The following ZMAT3 variants were observed in gnomAD, a reference collection of about 807,000 sequenced individuals.
ZMAT3 encodes zinc finger matrin-type protein 3.
A neutral mutation model predicts 32.3 loss-of-function variants in ZMAT3; 17 were observed. The observed-to-expected ratio is 0.53, with a 90% CI of 0.36 to 0.79. The LOEUF (loss-of-function observed/expected upper bound fraction) is 0.79. ZMAT3 is among the 30% of genes least tolerant of loss of function. The pLI, the probability that ZMAT3 is intolerant of heterozygous loss-of-function variation, is 0.00. For synonymous variants in ZMAT3, 120 were observed against 133.1 expected, an observed-to-expected ratio of 0.90 and a Z score of 0.68; for missense variants, 329 against 359.7, an observed-to-expected ratio of 0.91 and a Z score of 0.69.
chr3:179,023,952 C>T lies in ZMAT3; in HGVS notation c.*1065G>A, dbSNP rs998080185. The T allele has an allele frequency of 1.3e-5, 2 of 151,076 alleles. No individual in the cohort carries two copies. 9.4% of individuals were successfully genotyped at this position (151,076 alleles called of 1,614,324 possible). On this transcript the variant is annotated 3_prime_UTR_variant, in exon 6 of 6. Coordinates refer to ENST00000311417, the MANE Select transcript of ZMAT3 (RefSeq NM_022470.4). ...AGCCAGGATGATCTCGACCTCCTGA[C>T]CTCGTGATCCGCCTGCTTCGGCCTC...
chr3:179,071,773 A>C lies in ZMAT3; in HGVS notation c.-236T>G, dbSNP rs1036874173. The C allele has an allele frequency of 3.9e-5, 6 of 152,572 alleles. No homozygotes were observed. Among genetic ancestry groups the C allele is most frequent in the African/African-American group, 1.4e-4 (6 of 41,450 alleles). 9.5% of individuals were successfully genotyped at this position (152,572 alleles called of 1,614,324 possible). A position where few individuals can be genotyped will look rare whatever the true frequency, so the allele number is the denominator to read the frequency against. ...AAGGCTGACTGTCAAAAGTCAGTCCAACCCGACCCACAGGGAAACAGCTGC... is the reference window on the plus strand; with the variant it reads ...AAGGCTGACTGTCAAAAGTCAGTCCCACCCGACCCACAGGGAAACAGCTGC... On this transcript the variant is annotated 5_prime_UTR_variant, in exon 1 of 6. Coordinates refer to ENST00000311417, the MANE Select transcript of ZMAT3 (RefSeq NM_022470.4).
rs925708891 is a variant in ZMAT3, at chr3:179,020,352, A to G, written c.*4665T>C. 6.6e-6 allele frequency: 1 copy of G among 152,232 alleles called. No individual in the cohort carries two copies. Among genetic ancestry groups the G allele is most frequent in the Admixed American group, 6.5e-5 (1 of 15,284 alleles). The allele number at this position is 152,232 out of a possible 1,614,324, so 9.4% of individuals were successfully genotyped here. On this transcript the variant is annotated 3_prime_UTR_variant, in exon 6 of 6. Coordinates refer to ENST00000311417, the MANE Select transcript of ZMAT3 (RefSeq NM_022470.4). The stretch of plus-strand genomic sequence containing the variant: ...AAACAGCTATCAGTAGAAGCGTTTT[A>G]TGAGAAGCTATTTACACAGCTATTT...
rs1718325812 is a variant in ZMAT3, at chr3:179,017,329, G to A, written c.*7688C>T. The A allele has an allele frequency of 6.6e-6, 1 of 152,106 alleles. No individual in the cohort carries two copies. The highest frequency in any genetic ancestry group is 2.4e-5 in the African/African-American group (1 of 41,426). The allele number at this position is 152,106 out of a possible 1,614,324, so 9.4% of individuals were successfully genotyped here. A position where few individuals can be genotyped will look rare whatever the true frequency, so the allele number is the denominator to read the frequency against. On this transcript the variant is annotated 3_prime_UTR_variant, in exon 6 of 6. Transcript: ENST00000311417. ...ATCAGTACATAAGTGAGGATACACA[G>A]CCAAAATGAGCCATCAACAAAAGCA... is the stretch of plus-strand genomic sequence containing the variant.
intron 2 of ZMAT3, among the ~76,000 whole-genome samples, chr3:179,041,369 C>G (rs1335080768): frequency 6.6e-6 from 1 of 152,126 alleles, no homozygotes; most frequent in Non-Finnish European, 1.5e-5. Context: ...GAACAGAAAT[C>G]ACAACAAACT....
At chr3:179,055,481 C>A (rs201305876) in intron 2 of ZMAT3, among the ~76,000 whole-genome samples, 2 of 150,616 alleles carry the variant, frequency 1.3e-5, no homozygotes, top group African/African-American at 2.4e-5. Flanking sequence ...AGCGTCCCCT[C>A]CCCGACTCCT....
intron 2 of ZMAT3, among the ~76,000 whole-genome samples, chr3:179,037,482 G>A (rs574534069): frequency 7.2e-5 from 11 of 152,250 alleles, no homozygotes; most frequent in South Asian, 4.2e-4. Flanking sequence ...CTCAGCGGGC[G>A]CAGGATCCAG....
At chr3:179,029,631 A>C (rs1333105888) in intron 3 of ZMAT3, among the ~76,000 whole-genome samples, 1 of 152,098 alleles carries the variant, frequency 6.6e-6, no homozygotes, top group Non-Finnish European at 1.5e-5. Context: ...ACCCAGCTTA[A>C]AAAATTAAAT....
At chr3:179,042,618 C>T (rs199940867) in intron 2 of ZMAT3, among the ~76,000 whole-genome samples, 10 of 152,112 alleles carry the variant, frequency 6.6e-5, no homozygotes, top group Non-Finnish European at 1.5e-4. Context: ...GCCAATATCA[C>T]ACTGAATGGG....
At position 179,025,060 on chromosome 3, in the gene ZMAT3, T is replaced by C. The variant is rs1450131782; in HGVS notation, c.827A>G (p.Glu276Gly). ...CTCCATCTCATTCCTGTACCGCTGT[T>C]CAGACACCTTGCTCTTATGTTGCTT... ...ESKQHKSKVSEQRYRNEMENL... is the reference protein window; with the variant it reads ...ESKQHKSKVSGQRYRNEMENL... The change falls in exon 6 of 6, where the codon GAA (glutamate) becomes GGA (glycine). Residue 276 changes from glutamate to glycine, a missense_variant. By Grantham distance (98) the Glu-to-Gly change is moderately conservative (BLOSUM62 -2). Coordinates refer to ENST00000311417, the MANE Select transcript of ZMAT3 (RefSeq NM_022470.4). 1 of 1,614,250 alleles carries C rather than the reference T, an allele frequency of 6.2e-7. No individual in the cohort carries two copies. The highest frequency in any genetic ancestry group is 1.7e-5 in the Admixed American group (1 of 60,024).
upstream of ZMAT3, chr3:179,072,107 G>A (rs1452049849): frequency 1.3e-5 from 2 of 152,644 alleles, no homozygotes; most frequent in Non-Finnish European, 2.9e-5. Context: ...CTTGGTAGAA[G>A]CCTGGGCAGA....
At chr3:179,036,617 A>T (rs1287024641) in intron 2 of ZMAT3, among the ~76,000 whole-genome samples, 1 of 152,168 alleles carries the variant, frequency 6.6e-6, no homozygotes, top group Non-Finnish European at 1.5e-5. Flanking sequence ...AAAATTTTTA[A>T]AGGTGTGGGG....
chr3:179,028,403 CAGTA>C (rs1292534773), intron 3 of ZMAT3, among the ~76,000 whole-genome samples: 5 of 152,110 alleles, frequency 3.3e-5, no homozygotes, highest in African/African-American at 9.7e-5. Context: ...AGTAGGCATT[CAGTA>C]AGTATTAGGT....
chr3:179,052,949 G>C (rs1428530705), intron 2 of ZMAT3, among the ~76,000 whole-genome samples: 2 of 151,952 alleles, frequency 1.3e-5, no homozygotes, highest in Non-Finnish European at 1.5e-5. Flanking sequence ...CCAACATGGT[G>C]AAACCCCGTC....
chr3:179,030,498 G>C (rs997102887), intron 3 of ZMAT3, among the ~76,000 whole-genome samples: 10 of 151,976 alleles, frequency 6.6e-5, no homozygotes, highest in Non-Finnish European at 1.5e-4. Context: ...GGGACTACAG[G>C]TGCCCGCCAC....
intron 2 of ZMAT3, among the ~76,000 whole-genome samples, chr3:179,039,003 G>C (rs184985282): frequency 1.3e-5 from 2 of 152,358 alleles, no homozygotes; most frequent in Admixed American, 6.5e-5. Flanking sequence ...CAGCCTGGCT[G>C]GGGGAGGGGC....
At chr3:179,032,665 G>C (rs1182069883) in intron 2 of ZMAT3, among the ~76,000 whole-genome samples, 1 of 151,842 alleles carries the variant, frequency 6.6e-6, no homozygotes, top group Non-Finnish European at 1.5e-5. Context: ...CCCCGTCTGG[G>C]AACTGAGGAG....
rs2108525963 is a variant in ZMAT3, at chr3:179,019,908, C to A, written c.*5109G>T. 1 of 152,240 alleles carries A rather than the reference C, an allele frequency of 6.6e-6. No individual in the cohort carries two copies. Among genetic ancestry groups the A allele is most frequent in the Non-Finnish European group, 1.5e-5 (1 of 68,010 alleles). The allele number at this position is 152,240 out of a possible 1,614,324, so 9.4% of individuals were successfully genotyped here. On this transcript the variant is annotated 3_prime_UTR_variant, in exon 6 of 6. Transcript: ENST00000311417. ...AACATCAGTGTCAAGCTCTTCCAAT[C>A]AACCACACTGCCATTCACTAAGTAC...
At chr3:179,059,456 CA>C (rs1721037748) in intron 2 of ZMAT3, among the ~76,000 whole-genome samples, 1 of 152,176 alleles carries the variant, frequency 6.6e-6, no homozygotes, top group Non-Finnish European at 1.5e-5. Flanking sequence ...CAGGCCTTTT[CA>C]AAACTATCAA....
chr3:179,060,091 C>A (rs989301128), intron 2 of ZMAT3, among the ~76,000 whole-genome samples: 2 of 152,038 alleles, frequency 1.3e-5, no homozygotes, highest in South Asian at 4.2e-4. Context: ...CTCTTTGGGT[C>A]CCCTCCCTTT....
Sources: gnomAD v4.1 joint callset for allele counts (sites outside exome capture counted in the v4.1 genomes callset) on GRCh38, gnomAD v4.1.1 for gene constraint, MANE v1.5 for transcripts, NCBI Gene and HGNC (gene_info 2026-07-23, HGNC 2026-07-21) for gene names.